GLRA2: variants seen among roughly 807,000 people sequenced by gnomAD.
The protein encoded by GLRA2 is glycine receptor alpha 2, also known as glycine receptor subunit alpha-2.
A neutral mutation model predicts 31.6 loss-of-function variants in GLRA2; 11 were observed. The ratio of observed to expected loss-of-function variants is 0.35; its 90% CI spans 0.22 to 0.58. The LOEUF (loss-of-function observed/expected upper bound fraction) is 0.58. Ranked by LOEUF, GLRA2 falls within the 20% of genes least tolerant of loss-of-function variation. The pLI is 0.84. For missense variants in GLRA2, 212 were observed against 351.8 expected (o/e 0.60, Z 3.18); for synonymous variants, 132 against 134.0 (o/e 0.99, Z 0.10).
intron 2 of GLRA2, among the ~76,000 whole-genome samples, chrX:14,543,031 T>C (rs1175561398): frequency 9.1e-6 from 1 of 109,777 alleles, no homozygotes; most frequent in Non-Finnish European, 1.9e-5. Flanking sequence ...TTTTTGCCCT[T>C]ATATCAGAAG....
At chrX:14,483,908 T>C in the GLRA2 span, among the ~76,000 whole-genome samples, 2 of 110,435 alleles carry the variant, frequency 1.8e-5, no homozygotes, top group East Asian at 2.9e-4. Context: ...GGCAGAAAAA[T>C]GTGAAAAGAG....
At chrX:14,478,454 C>T in the GLRA2 span, among the ~76,000 whole-genome samples, 3 of 111,839 alleles carry the variant, frequency 2.7e-5, no homozygotes, top group Non-Finnish European at 3.8e-5. Context: ...GTATTGCTAG[C>T]TAGATGAAAA....
intron 7 of GLRA2, among the ~76,000 whole-genome samples, chrX:14,644,739 T>C (rs1005925758): frequency 1.8e-5 from 2 of 112,155 alleles, no homozygotes; most frequent in African/African-American, 6.5e-5. Flanking sequence ...ATAATTTTAT[T>C]CCCTACCTAA....
At chrX:14,602,133 C>T (rs1345313436) in intron 4 of GLRA2, among the ~76,000 whole-genome samples, 1 of 111,304 alleles carries the variant, frequency 9.0e-6, no homozygotes, top group Non-Finnish European at 1.9e-5. Context: ...AATTTCCTTC[C>T]TTGAATCTTG....
the GLRA2 span, among the ~76,000 whole-genome samples, chrX:14,467,961 G>T: frequency 9.0e-6 from 1 of 111,719 alleles, no homozygotes; most frequent in African/African-American, 3.3e-5. Context: ...TGGGTCAATA[G>T]ATGGACTATT....
the GLRA2 span, among the ~76,000 whole-genome samples, chrX:14,493,586 C>CACATATAT: frequency 5.0e-5 from 5 of 100,427 alleles, no homozygotes; most frequent in African/African-American, 7.7e-5. Context: ...TACATATATA[C>CACATATAT]ACATATATAC....
At position 14,530,078 on chromosome X, in the gene GLRA2, C is replaced by T. The variant is rs767828048; in HGVS notation, c.21C>T (p.Asn7=). The T allele has an allele frequency of 1.7e-6, 2 of 1,202,567 alleles. No homozygotes were observed. Among genetic ancestry groups the T allele is most frequent in the Admixed American group, 4.3e-5 (2 of 46,015 alleles). MNRQLV[N]ILTALFAFFL... is the part of the protein sequence containing the mutation. The stretch of plus-strand genomic sequence containing the variant: ...CAGGAATGAACCGGCAGCTAGTGAA[C>T]ATTTTGACAGCCTTGTTTGCATTTT... Residue 7 remains asparagine, a synonymous_variant, in exon 1 of 9, where the codon AAC becomes AAT. Transcript: ENST00000218075.
At chrX:14,501,463 A>C in the GLRA2 span, among the ~76,000 whole-genome samples, 1 of 111,133 alleles carries the variant, frequency 9.0e-6, no homozygotes, top group Non-Finnish European at 1.9e-5. Context: ...CATCCAGTAC[A>C]ACCCCTCCCT....
intron 8 of GLRA2, among the ~76,000 whole-genome samples, chrX:14,697,595 T>C (rs982205170): frequency 8.9e-6 from 1 of 111,755 alleles, no homozygotes; most frequent in African/African-American, 3.3e-5. Flanking sequence ...TGAAGTGCAA[T>C]TGGACACCAG....
At chrX:14,667,109 G>A in intron 7 of GLRA2, among the ~76,000 whole-genome samples, 3 of 111,919 alleles carry the variant, frequency 2.7e-5, no homozygotes, top group East Asian at 5.6e-4. Context: ...CCATATCTGT[G>A]TATACAATGA....
the GLRA2 span, among the ~76,000 whole-genome samples, chrX:14,518,572 A>G: frequency 1.8e-5 from 2 of 112,041 alleles, no homozygotes; most frequent in African/African-American, 6.5e-5. Flanking sequence ...ACAATTACAT[A>G]ATATTGACCT....
At chrX:14,703,173 G>A (rs1474667826) in intron 8 of GLRA2, among the ~76,000 whole-genome samples, 1 of 111,860 alleles carries the variant, frequency 8.9e-6, no homozygotes, top group Admixed American at 9.4e-5. Flanking sequence ...GTGCCAGCAA[G>A]CTTTGGAGAT....
At chrX:14,623,133 C>T (rs1024741467) in intron 7 of GLRA2, among the ~76,000 whole-genome samples, 4 of 111,154 alleles carry the variant, frequency 3.6e-5, no homozygotes, top group Admixed American at 1.9e-4. Context: ...AGTTCACTCA[C>T]GATTTTGCTC....
rs2091983493 is a variant in GLRA2 at position 14,730,816 on chromosome X, C to T, written c.*331C>T. 1 of 187,344 alleles carries T rather than the reference C, an allele frequency of 5.3e-6. No individual in the cohort carries two copies. The highest frequency in any genetic ancestry group is 7.0e-5 in the Admixed American group (1 of 14,255). 15.4% of individuals were successfully genotyped at this position (187,344 alleles called of 1,213,427 possible). On this transcript the variant is annotated 3_prime_UTR_variant, in exon 9 of 9. Coordinates refer to ENST00000218075, the MANE Select transcript of GLRA2 (RefSeq NM_002063.4). Reference sequence around the variant, plus strand: ...CAGACATGATATGCGGGGTCAAGTTCTTAAGGGCTGTTTGCCTTTTGGTCC... The same window carrying T: ...CAGACATGATATGCGGGGTCAAGTTTTTAAGGGCTGTTTGCCTTTTGGTCC...
chrX:14,575,702 C>T (rs763336881), intron 3 of GLRA2, among the ~76,000 whole-genome samples: 1 of 111,014 alleles, frequency 9.0e-6, no homozygotes, highest in Non-Finnish European at 1.9e-5. Flanking sequence ...CTCGAGCAAT[C>T]CTCCTGCCTC....
At chrX:14,454,742 A>G in the GLRA2 span, among the ~76,000 whole-genome samples, 5 of 111,708 alleles carry the variant, frequency 4.5e-5, no homozygotes, top group Non-Finnish European at 7.5e-5. Context: ...GTTGCCATCA[A>G]TACAAATATA....
At chrX:14,688,967 C>T (rs767856080) in intron 7 of GLRA2, among the ~76,000 whole-genome samples, 1 of 112,012 alleles carries the variant, frequency 8.9e-6, no homozygotes, top group African/African-American at 3.2e-5. Context: ...ATTCTAAAAT[C>T]TTTATGTATA....
At chrX:14,616,301 A>G (rs1298363882) in intron 7 of GLRA2, among the ~76,000 whole-genome samples, 1 of 112,032 alleles carries the variant, frequency 8.9e-6, no homozygotes, top group African/African-American at 3.2e-5. Context: ...TAGAAGTGAA[A>G]GCAAACACTG....
chrX:14,704,863 G>A (rs1339678645), intron 8 of GLRA2, among the ~76,000 whole-genome samples: 1 of 111,611 alleles, frequency 9.0e-6, no homozygotes, highest in Non-Finnish European at 1.9e-5. Flanking sequence ...AATTTTAGAG[G>A]TCAATATCAG....
Sources: allele counts gnomAD v4.1 joint callset (sites outside exome capture counted in the v4.1 genomes callset), GRCh38; gene constraint gnomAD v4.1.1; transcripts MANE v1.5; gene names NCBI Gene and HGNC (gene_info 2026-07-23, HGNC 2026-07-21).